Variants in CCDC102B observed in about 807,000 individuals in gnomAD.
CCDC102B encodes the protein coiled-coil domain containing 102B.
CCDC102B carries 75 observed loss-of-function variants against 57.4 expected under a neutral mutation model. The observed-to-expected ratio is 1.31, with a 90% CI of 1.08 to 1.58. The LOEUF (loss-of-function observed/expected upper bound fraction) is 1.58, where lower values mean the gene tolerates loss of function less well. Ranked by LOEUF, CCDC102B falls within the 40% of genes most tolerant of loss-of-function variation. The probability of loss-of-function intolerance (pLI) is 0.00; values close to 1 mark genes in which losing one functional copy is unlikely to be tolerated. For synonymous variants in CCDC102B, 206 were observed against 201.9 expected (o/e 1.02, Z -0.17); for missense variants, 636 against 582.6 (o/e 1.09, Z -0.94).
At chr18:68,798,559 C>T (rs1193379873) in intron 1 of CCDC102B, 5 of 152,064 alleles carry the variant, frequency 3.3e-5, no homozygotes, top group East Asian at 1.9e-4. Flanking sequence ...TTGAAGTAAT[C>T]TATATTCTTA....
At chr18:68,774,966 A>T (rs2144621046) in intron 2 of CCDC102B, among the ~76,000 whole-genome samples, 1 of 151,230 alleles carries the variant, frequency 6.6e-6, no homozygotes, top group South Asian at 2.1e-4. Flanking sequence ...AAGAGTTAAA[A>T]TATATGCTAT....
chr18:68,756,315 A>G (rs1359347824), intron 2 of CCDC102B, among the ~76,000 whole-genome samples: 1 of 152,166 alleles, frequency 6.6e-6, no homozygotes, highest in Non-Finnish European at 1.5e-5. Flanking sequence ...CCCTTAAACA[A>G]TAAATAGATG....
chr18:68,939,727 T>C (rs2049330115), intron 6 of CCDC102B, among the ~76,000 whole-genome samples: 1 of 151,838 alleles, frequency 6.6e-6, no homozygotes, highest in South Asian at 2.1e-4. Flanking sequence ...TGCATTTAAG[T>C]AAGATGTCTC....
intron 6 of CCDC102B, among the ~76,000 whole-genome samples, chr18:68,928,798 AC>A (rs1248164452): frequency 6.6e-6 from 1 of 151,866 alleles, no homozygotes; most frequent in Non-Finnish European, 1.5e-5. Flanking sequence ...GTAGAGGAAA[AC>A]TGCTGCTTTT....
intron 4 of CCDC102B, among the ~76,000 whole-genome samples, chr18:68,858,369 A>G (rs900535876): frequency 6.6e-6 from 1 of 152,196 alleles, no homozygotes; most frequent in Non-Finnish European, 1.5e-5. Context: ...ATGTACATTT[A>G]CATGATCTTC....
intron 6 of CCDC102B, among the ~76,000 whole-genome samples, chr18:68,984,941 G>T (rs1049327234): frequency 3.3e-5 from 5 of 152,056 alleles, no homozygotes; most frequent in African/African-American, 1.2e-4. Flanking sequence ...ATTTTAATTA[G>T]AGCTATAAGT....
chr18:68,756,371 G>A (rs562782496), intron 2 of CCDC102B, among the ~76,000 whole-genome samples: 5 of 152,184 alleles, frequency 3.3e-5, no homozygotes, highest in African/African-American at 9.6e-5. Context: ...ACAGCAAATT[G>A]AAGTAAGAAA....
chr18:68,874,206 GTGTGTGTATA>G (rs1226201401), intron 4 of CCDC102B, among the ~76,000 whole-genome samples: 87 of 78,216 alleles, frequency 1.1e-3, no homozygotes, highest in Admixed American at 3.2e-3. Flanking sequence ...GTGTGTGTGT[GTGTGTGTATA>G]TATATATACT....
At chr18:68,860,818 A>G (rs2038717338) in intron 4 of CCDC102B, among the ~76,000 whole-genome samples, 1 of 140,472 alleles carries the variant, frequency 7.1e-6, no homozygotes. Flanking sequence ...ATTATGCTTT[A>G]TTATCTTGCC....
intron 2 of CCDC102B, among the ~76,000 whole-genome samples, chr18:68,791,662 A>G (rs997123676): frequency 1.3e-5 from 2 of 151,908 alleles, no homozygotes; most frequent in African/African-American, 4.8e-5. Context: ...GAGATTTTAA[A>G]GCACCTAATG....
chr18:68,791,022 G>C (rs2035440346), intron 2 of CCDC102B, among the ~76,000 whole-genome samples: 1 of 152,180 alleles, frequency 6.6e-6, no homozygotes, highest in Non-Finnish European at 1.5e-5. Context: ...AAACTTTCAA[G>C]AGAGTAAAAT....
At chr18:68,808,760 G>A (rs950894375) in intron 1 of CCDC102B, among the ~76,000 whole-genome samples, 1 of 152,118 alleles carries the variant, frequency 6.6e-6, no homozygotes, top group African/African-American at 2.4e-5. Flanking sequence ...TTACAGGCGT[G>A]AGCCACAGCG....
chr18:68,931,886 A>T (rs114526289), intron 6 of CCDC102B, among the ~76,000 whole-genome samples: 2 of 152,036 alleles, frequency 1.3e-5, no homozygotes, highest in African/African-American at 4.8e-5. Flanking sequence ...TAGGAACAAG[A>T]GGAATATTGG....
chr18:68,789,792 A>G (rs1164451465), intron 2 of CCDC102B, among the ~76,000 whole-genome samples: 1 of 148,300 alleles, frequency 6.7e-6, no homozygotes, highest in Non-Finnish European at 1.5e-5. Context: ...CCCGTAGCTC[A>G]GAGTAATTTG....
At chr18:68,939,257 C>T (rs1052522285) in intron 6 of CCDC102B, among the ~76,000 whole-genome samples, 8 of 151,664 alleles carry the variant, frequency 5.3e-5, no homozygotes, top group African/African-American at 1.9e-4. Flanking sequence ...AATGTTTTGC[C>T]TTTCCTTATT....
chr18:68,760,547 T>G (rs1333762589), intron 2 of CCDC102B, among the ~76,000 whole-genome samples: 1 of 152,110 alleles, frequency 6.6e-6, no homozygotes, highest in East Asian at 1.9e-4. Flanking sequence ...TTCCAAAGCC[T>G]TGTAATTGTA....
chr18:68,984,979 T>G (rs1298952648), intron 6 of CCDC102B, among the ~76,000 whole-genome samples: 3 of 151,736 alleles, frequency 2.0e-5, no homozygotes, highest in African/African-American at 7.3e-5. Flanking sequence ...GTTTTGGAGA[T>G]AATCTCAGTT....
intron 7 of CCDC102B, among the ~76,000 whole-genome samples, chr18:69,037,677 C>T (rs1351859188): frequency 6.6e-6 from 1 of 151,950 alleles, no homozygotes; most frequent in Non-Finnish European, 1.5e-5. Flanking sequence ...GTAAAACAAA[C>T]ACCACTGCCA....
chr18:68,885,627 T>TA (rs1490179447), intron 5 of CCDC102B, among the ~76,000 whole-genome samples: 1 of 152,052 alleles, frequency 6.6e-6, no homozygotes, highest in African/African-American at 2.4e-5. Context: ...GTGATTTACA[T>TA]CTTAGAATTG....
Sources: allele counts gnomAD v4.1 joint callset (sites outside exome capture counted in the v4.1 genomes callset), GRCh38; gene constraint gnomAD v4.1.1; transcripts MANE v1.5; gene names NCBI Gene and HGNC (gene_info 2026-07-23, HGNC 2026-07-21).